ZNF354A: variants seen among roughly 807,000 people sequenced by gnomAD.
ZNF354A encodes zinc finger protein 354A.
In ZNF354A, 25 loss-of-function variants were observed where a neutral mutation model predicts 53.3. The observed-to-expected ratio is 0.47, with a 90% CI of 0.34 to 0.66. ZNF354A has a LOEUF of 0.66. Ranked by LOEUF, ZNF354A falls within the 30% of genes least tolerant of loss-of-function variation. The pLI, the probability that ZNF354A is intolerant of heterozygous loss-of-function variation, is 0.01. For missense variants in ZNF354A, 586 were observed against 716.8 expected (o/e 0.82, Z 2.08); for synonymous variants, 228 against 249.0 (o/e 0.92, Z 0.79).
At chr5:178,725,572 G>A in intron 3 of ZNF354A, 101 bp from the exon 4 acceptor site, 1 of 1,267,202 alleles carries the variant, frequency 7.9e-7, no homozygotes, top group Non-Finnish European at 1.1e-6. Context: ...ATGGTACAAA[G>A]AGCTTCTGTG....
In ZNF354A at chr5:178,712,265, A is replaced by C; in HGVS notation, c.1613T>G (p.Ile538Ser). 1 of 1,614,088 alleles carries C rather than the reference A, an allele frequency of 6.2e-7. No individual in the cohort carries two copies. The highest frequency in any genetic ancestry group is 8.5e-7 in the Non-Finnish European group (1 of 1,179,978). ...TCCTGTATGAATCCTTCGATGCTGA[A>C]TAAGAGCTGAACTTTGGCCAAAAGA... ...GISFGQSSAL[I>S]QHRRIHTGEK... Residue 538 changes from isoleucine to serine, a missense_variant, in exon 5 of 5, where the codon ATT becomes AGT. Ile to Ser is a moderately radical substitution (Grantham distance 142). Coordinates refer to ENST00000335815, the MANE Select transcript of ZNF354A (RefSeq NM_005649.3).
Position 178,711,738 on chromosome 5 carries a change from A to G in ZNF354A, c.*322T>C, listed in dbSNP as rs1765621295. On this transcript the variant is annotated 3_prime_UTR_variant, in exon 5 of 5. Coordinates refer to ENST00000335815, the MANE Select transcript of ZNF354A (RefSeq NM_005649.3). ...AAAGCACACCTCCCCACCCACTCGG[A>G]TATCTGTTTCTGATGATCACGTGAC... The G allele has an allele frequency of 5.0e-6, 1 of 199,006 alleles. No individual in the cohort carries two copies. The highest frequency in any genetic ancestry group is 2.3e-5 in the African/African-American group (1 of 42,962). 12.3% of individuals were successfully genotyped at this position (199,006 alleles called of 1,614,324 possible).
At chr5:178,722,456 C>T (rs563957740) in intron 4 of ZNF354A, among the ~76,000 whole-genome samples, 13 of 152,312 alleles carry the variant, frequency 8.5e-5, no homozygotes, top group Admixed American at 4.6e-4. Flanking sequence ...CATCACCAAC[C>T]GTCACAGAAC....
chr5:178,718,839 T>C (rs1463423775), intron 4 of ZNF354A, among the ~76,000 whole-genome samples: 1 of 152,160 alleles, frequency 6.6e-6, no homozygotes, highest in Non-Finnish European at 1.5e-5. Context: ...CTCAAGCGAT[T>C]CTCCCACCTC....
intron 4 of ZNF354A, among the ~76,000 whole-genome samples, chr5:178,714,329 A>G (rs1230702978): frequency 6.6e-6 from 1 of 151,906 alleles, no homozygotes; most frequent in Non-Finnish European, 1.5e-5. Context: ...CTTAATCTGG[A>G]AAGTCCCTCC....
chr5:178,715,129 T>C (rs986732218), intron 4 of ZNF354A, among the ~76,000 whole-genome samples: 2 of 152,188 alleles, frequency 1.3e-5, no homozygotes, highest in African/African-American at 2.4e-5. Context: ...CACAATTCAA[T>C]AGATAGTAAA....
chr5:178,716,801 G>A (rs1016693899), intron 4 of ZNF354A, among the ~76,000 whole-genome samples: 2 of 152,102 alleles, frequency 1.3e-5, no homozygotes, highest in Non-Finnish European at 2.9e-5. Flanking sequence ...GAACGGGGCC[G>A]GGCGTGGTGG....
chr5:178,726,859 T>C, intron 3 of ZNF354A, 140 bp downstream of exon 3: 1 of 1,303,452 alleles, frequency 7.7e-7, no homozygotes, highest in Non-Finnish European at 1.0e-6. Context: ...GTTTTTAATG[T>C]TTATTTATAA....
intron 4 of ZNF354A, among the ~76,000 whole-genome samples, chr5:178,721,324 A>G (rs1244841660): frequency 6.6e-6 from 1 of 152,192 alleles, no homozygotes; most frequent in Non-Finnish European, 1.5e-5. Flanking sequence ...TACTTAGCTG[A>G]ATACTGTAGG....
intron 4 of ZNF354A, among the ~76,000 whole-genome samples, chr5:178,723,054 C>T (rs1285076984): frequency 2.0e-5 from 3 of 152,094 alleles, no homozygotes; most frequent in Non-Finnish European, 1.5e-5. Flanking sequence ...TCAGAGGCCT[C>T]GAATGAAGGG....
At chr5:178,729,899 C>G (rs1765996926) in intron 1 of ZNF354A, among the ~76,000 whole-genome samples, 1 of 116,920 alleles carries the variant, frequency 8.6e-6, no homozygotes, top group Non-Finnish European at 1.9e-5. Flanking sequence ...GAGTCTCGCT[C>G]TGTCGCTCAG....
At chr5:178,726,122 G>A (rs1337687005) in intron 3 of ZNF354A, 9 of 452,136 alleles carry the variant, frequency 2.0e-5, no homozygotes, top group Non-Finnish European at 4.0e-5. Flanking sequence ...GATTACAGGT[G>A]TGAGCCACCG....
At chr5:178,729,832 C>G (rs939671866) in intron 1 of ZNF354A, among the ~76,000 whole-genome samples, 2 of 151,966 alleles carry the variant, frequency 1.3e-5, no homozygotes, top group African/African-American at 4.8e-5. Flanking sequence ...CAGGCGTGAG[C>G]CACCACGCCC....
chr5:178,713,344 C>G lies in ZNF354A; in HGVS notation c.534G>C (p.Gln178His), dbSNP rs749493415. 6.2e-7 allele frequency: 1 copy of G among 1,614,028 alleles called. No individual in the cohort carries two copies. Residue 178 changes from glutamine to histidine, a missense_variant, in exon 5 of 5, where the codon CAG (glutamine) becomes CAC (histidine). Transcript: ENST00000335815. Reference sequence around the variant, plus strand: ...GTGGTGTTTTTTCTCTGGGAAGTATCTGTTGCCTAATAAGCACTGACTTTG... The same window carrying G: ...GTGGTGTTTTTTCTCTGGGAAGTATGTGTTGCCTAATAAGCACTGACTTTG... The part of the protein sequence containing the change: ...FSPKSVLIRQ[Q>H]ILPREKTPPK...
chr5:178,720,359 A>G (rs1282834399), intron 4 of ZNF354A, among the ~76,000 whole-genome samples: 1 of 152,216 alleles, frequency 6.6e-6, no homozygotes, highest in African/African-American at 2.4e-5. Flanking sequence ...TGCACGTTCA[A>G]TCAAATTAAG....
At chr5:178,730,046 T>C (rs1766002000) in intron 1 of ZNF354A, among the ~76,000 whole-genome samples, 1 of 151,896 alleles carries the variant, frequency 6.6e-6, no homozygotes, top group African/African-American at 2.4e-5. Flanking sequence ...TTTGTATTTT[T>C]AGTAGAGACG....
intron 4 of ZNF354A, among the ~76,000 whole-genome samples, chr5:178,716,161 G>A (rs959719536): frequency 7.2e-5 from 11 of 152,204 alleles, no homozygotes; most frequent in Admixed American, 2.6e-4. Context: ...TCCCCAAAGC[G>A]CTGGGATTAC....
rs993963953 is a variant in ZNF354A, at chr5:178,711,939, A to G, written c.*121T>C. 1 of 1,244,836 alleles carries G rather than the reference A, an allele frequency of 8.0e-7. No homozygotes were observed. Among genetic ancestry groups the G allele is most frequent in the Non-Finnish European group, 1.1e-6 (1 of 915,914 alleles). 77.1% of individuals were successfully genotyped at this position (1,244,836 alleles called of 1,614,324 possible). A position where few individuals can be genotyped will look rare whatever the true frequency, so the allele number is the denominator to read the frequency against. Reference sequence around the variant, plus strand: ...CTGAGGTTTATCCATGGAATTAAATACCTAATGAGGGCTAAATTATTACAG... The same window carrying G: ...CTGAGGTTTATCCATGGAATTAAATGCCTAATGAGGGCTAAATTATTACAG... On this transcript the variant is annotated 3_prime_UTR_variant, in exon 5 of 5. Coordinates refer to ENST00000335815, the MANE Select transcript of ZNF354A (RefSeq NM_005649.3).
chr5:178,719,978 A>C (rs1581745424), intron 4 of ZNF354A, among the ~76,000 whole-genome samples: 1 of 152,228 alleles, frequency 6.6e-6, no homozygotes, highest in Non-Finnish European at 1.5e-5. Flanking sequence ...TTGCATTTGC[A>C]GTCTCACAAG....
Sources: gnomAD v4.1 joint callset for allele counts (sites outside exome capture counted in the v4.1 genomes callset) on GRCh38, gnomAD v4.1.1 for gene constraint, MANE v1.5 for transcripts, NCBI Gene and HGNC (gene_info 2026-07-23, HGNC 2026-07-21) for gene names.